Variants in TTC28 observed in about 807,000 individuals in gnomAD.
The protein encoded by TTC28 is tetratricopeptide repeat protein 28.
A neutral mutation model predicts 198.0 loss-of-function variants in TTC28; 61 were observed. That is an observed-to-expected ratio of 0.31 (90% CI 0.25 to 0.38). TTC28 has a LOEUF of 0.38. Among genes scored for constraint, TTC28 ranks in the 10% least tolerant of loss-of-function variants. The probability of loss-of-function intolerance (pLI) is 1.00; values close to 1 mark genes in which losing one functional copy is unlikely to be tolerated. For synonymous variants in TTC28, 1,171 were observed against 1,297.8 expected (o/e 0.90, Z 2.10); for missense variants, 2,678 against 3,164.0 (o/e 0.85, Z 3.69).
chr22:28,576,250 T>C (rs2050148713), intron 2 of TTC28, among the ~76,000 whole-genome samples: 1 of 152,094 alleles, frequency 6.6e-6, no homozygotes, highest in Non-Finnish European at 1.5e-5. Context: ...GAAATAATCA[T>C]ATGGGTTTCG....
intron 21 of TTC28, among the ~76,000 whole-genome samples, chr22:27,986,799 A>G (rs1937232282): frequency 6.6e-6 from 1 of 152,210 alleles, no homozygotes; most frequent in Non-Finnish European, 1.5e-5. Context: ...TCACTAGAGG[A>G]GCATTCTGGT....
chr22:28,366,038 G>A (rs532542676), intron 2 of TTC28, among the ~76,000 whole-genome samples: 36 of 152,258 alleles, frequency 2.4e-4, no homozygotes, highest in Non-Finnish European at 3.8e-4. Context: ...GAACACAAAA[G>A]GAAAGAACGT....
chr22:28,067,733 A>G (rs1449402519), intron 12 of TTC28, among the ~76,000 whole-genome samples: 3 of 152,210 alleles, frequency 2.0e-5, no homozygotes, highest in African/African-American at 7.2e-5. Flanking sequence ...TTCAAATTCT[A>G]TTTGGGTACA....
intron 2 of TTC28, among the ~76,000 whole-genome samples, chr22:28,584,597 CTG>C (rs1481720337): frequency 6.6e-6 from 1 of 152,160 alleles, no homozygotes; most frequent in Non-Finnish European, 1.5e-5. Context: ...AACTAAGAGA[CTG>C]TTTTTTAATA....
chr22:28,064,004 A>G (rs1940655668), intron 12 of TTC28, among the ~76,000 whole-genome samples: 1 of 152,160 alleles, frequency 6.6e-6, no homozygotes, highest in Admixed American at 6.5e-5. Context: ...ATTTGTTGAA[A>G]TGAACTGTAA....
In TTC28 at chr22:28,018,752, T is replaced by C. The variant is rs1938481162; in HGVS notation, c.4074-4360A>G. 2.0e-5 allele frequency among the ~76,000 whole-genome samples: 3 copies of C among 152,162 alleles called. No homozygotes were observed. The South Asian group carries it at 6.2e-4, about 31-fold the overall frequency. ...GCAGGAAACCAAGGCCAAGAGCTAC[T>C]GAGGGTCCCTTGAACCCTGGGAGCC... On this transcript the variant is annotated intron_variant, in intron 13 of 22. Coordinates refer to ENST00000397906, the MANE Select transcript of TTC28 (RefSeq NM_001145418.2).
At chr22:28,394,403 C>T (rs957456431) in intron 2 of TTC28, among the ~76,000 whole-genome samples, 1 of 152,108 alleles carries the variant, frequency 6.6e-6, no homozygotes, top group Admixed American at 6.6e-5. Context: ...TGCTATTGTT[C>T]CCCTGATCTT....
At chr22:28,200,724 A>G (rs1367071231) in intron 5 of TTC28, among the ~76,000 whole-genome samples, 1 of 152,130 alleles carries the variant, frequency 6.6e-6, no homozygotes, top group Non-Finnish European at 1.5e-5. Flanking sequence ...CCAACTAGCA[A>G]TTAAGGAGCA....
At chr22:28,520,100 G>C (rs1057189627) in intron 2 of TTC28, among the ~76,000 whole-genome samples, 4 of 152,086 alleles carry the variant, frequency 2.6e-5, no homozygotes, top group Non-Finnish European at 5.9e-5. Flanking sequence ...AATGGATGCA[G>C]ATGGGAAAAA....
chr22:28,381,636 C>A (rs145633462), intron 2 of TTC28, among the ~76,000 whole-genome samples: 149 of 152,134 alleles, frequency 9.8e-4, no homozygotes, highest in African/African-American at 3.4e-3. Flanking sequence ...ACAGGGAGAA[C>A]AGAGGTTTAA....
chr22:28,429,136 T>G (rs938776465), intron 2 of TTC28, among the ~76,000 whole-genome samples: 1 of 152,226 alleles, frequency 6.6e-6, no homozygotes. Context: ...GAAATAATTA[T>G]TCAATCAATT....
At chr22:28,638,508 A>C (rs2051310619) in intron 1 of TTC28, among the ~76,000 whole-genome samples, 1 of 152,128 alleles carries the variant, frequency 6.6e-6, no homozygotes, top group African/African-American at 2.4e-5. Context: ...AAGACCAAAA[A>C]GATTAGTAAC....
intron 12 of TTC28, among the ~76,000 whole-genome samples, chr22:28,071,887 G>C (rs1223635448): frequency 1.3e-5 from 2 of 152,250 alleles, no homozygotes; most frequent in East Asian, 3.9e-4. Context: ...CACCGCATTA[G>C]CATAAGCCTA....
At chr22:28,154,615 C>G (rs1943709927) in intron 6 of TTC28, among the ~76,000 whole-genome samples, 1 of 152,080 alleles carries the variant, frequency 6.6e-6, no homozygotes, top group African/African-American at 2.4e-5. Context: ...CTCGGCCTCC[C>G]AAAGTGCTGG....
chr22:28,060,474 A>G (rs934660163), intron 12 of TTC28, among the ~76,000 whole-genome samples: 3 of 152,056 alleles, frequency 2.0e-5, no homozygotes, highest in African/African-American at 7.2e-5. Flanking sequence ...TATGTGCCAC[A>G]TTTTCTTAAT....
At chr22:28,367,349 T>G (rs1159220813) in intron 2 of TTC28, among the ~76,000 whole-genome samples, 1 of 151,814 alleles carries the variant, frequency 6.6e-6, no homozygotes, top group Non-Finnish European at 1.5e-5. Flanking sequence ...AATGGGTCAA[T>G]GAAGAAATGA....
chr22:28,241,516 A>G (rs1333218868), intron 5 of TTC28, among the ~76,000 whole-genome samples: 2 of 152,150 alleles, frequency 1.3e-5, no homozygotes, highest in African/African-American at 2.4e-5. Context: ...ATTATGTAAG[A>G]GAATACCCTT....
intron 5 of TTC28, among the ~76,000 whole-genome samples, chr22:28,241,561 C>G (rs930929291): frequency 6.6e-6 from 1 of 151,672 alleles, no homozygotes; most frequent in South Asian, 2.1e-4. Context: ...TATTTCGGGG[C>G]AAAAGGCAAC....
Position 28,005,808 on chromosome 22 carries a change from G to A in TTC28, c.4219-4255C>T, listed in dbSNP as rs1233910491. Among the ~76,000 whole-genome samples the A allele has an allele frequency of 4.6e-5, 7 of 152,208 alleles. No homozygotes were observed. Among genetic ancestry groups the A allele is most frequent in the Non-Finnish European group, 1.5e-5 (1 of 68,038 alleles). On this transcript the variant is annotated intron_variant, in intron 14 of 22. Coordinates refer to ENST00000397906, the MANE Select transcript of TTC28 (RefSeq NM_001145418.2). The surrounding 1 kb of genome is among the most constrained non-coding windows in gnomAD (Gnocchi z 4.9). ...AGCGCTTGCCAGCAACTCCAGACTG[G>A]CTCTGGCCTGGCCAAACAGTGGACA...
Sources: gnomAD v4.1 joint callset for allele counts (sites outside exome capture counted in the v4.1 genomes callset) on GRCh38, gnomAD v4.1.1 for gene constraint, Gnocchi (gnomAD v3.1) non-coding constraint, MANE v1.5 for transcripts, NCBI Gene and HGNC (gene_info 2026-07-23, HGNC 2026-07-21) for gene names.